Variants in DYNC1I2 observed in about 807,000 individuals in gnomAD.
DYNC1I2 encodes cytoplasmic dynein 1 intermediate chain 2.
Under a neutral mutation model 88.6 loss-of-function variants are expected in DYNC1I2, and 53 were observed. The observed-to-expected ratio is 0.60, with a 90% confidence interval of 0.48 to 0.75. The LOEUF (loss-of-function observed/expected upper bound fraction) is 0.75, where lower values mean the gene tolerates loss of function less well. Ranked by LOEUF, DYNC1I2 falls within the 30% of genes least tolerant of loss-of-function variation. DYNC1I2 has a pLI of 0.00. For synonymous variants in DYNC1I2, 198 were observed against 254.6 expected, an observed-to-expected ratio of 0.78 and a Z score of 2.12; for missense variants, 458 against 766.6, an observed-to-expected ratio of 0.60 and a Z score of 4.75.
chr2:171,693,520 A>G (rs1370012581), intron 3 of DYNC1I2, among the ~76,000 whole-genome samples: 3 of 152,238 alleles, frequency 2.0e-5, no homozygotes, highest in Non-Finnish European at 2.9e-5. Context: ...TACTTAAAAT[A>G]GTTCTGTGCT....
chr2:171,721,878 T>G (rs181975854), intron 7 of DYNC1I2, among the ~76,000 whole-genome samples: 1 of 152,304 alleles, frequency 6.6e-6, no homozygotes, highest in East Asian at 1.9e-4. Flanking sequence ...ATATTGAGAT[T>G]TAATCATTAA....
At chr2:171,723,794 T>G (rs183093658) in intron 7 of DYNC1I2, among the ~76,000 whole-genome samples, 1 of 152,312 alleles carries the variant, frequency 6.6e-6, no homozygotes, top group Non-Finnish European at 1.5e-5. Flanking sequence ...CACCACCGCC[T>G]CCTCAGCAGG....
intron 5 of DYNC1I2, among the ~76,000 whole-genome samples, chr2:171,707,607 A>T (rs985292883): frequency 3.3e-5 from 5 of 152,112 alleles, no homozygotes; most frequent in Admixed American, 3.3e-4. Context: ...CTAAATAGTC[A>T]ACCGGTTTTA....
At chr2:171,706,398 C>T (rs554690924) in intron 3 of DYNC1I2, 149 bp from the exon 4 acceptor site, 41 of 677,160 alleles carry the variant, frequency 6.1e-5, no homozygotes, top group Middle Eastern at 8.0e-4. Flanking sequence ...GAAATGTGCA[C>T]GTTCAGCTGT....
At chr2:171,733,919 T>G (rs1688823759) in intron 15 of DYNC1I2, among the ~76,000 whole-genome samples, 1 of 152,158 alleles carries the variant, frequency 6.6e-6, no homozygotes, top group South Asian at 2.1e-4. Context: ...CTAAGTTTTT[T>G]GTAGTTTGGG....
At chr2:171,721,448 A>G (rs1404849732) in intron 7 of DYNC1I2, among the ~76,000 whole-genome samples, 5 of 152,210 alleles carry the variant, frequency 3.3e-5, no homozygotes, top group Non-Finnish European at 5.9e-5. Context: ...AAGAAGATGA[A>G]GTGATGGACA....
intron 1 of DYNC1I2, among the ~76,000 whole-genome samples, chr2:171,689,383 T>G (rs567397352): frequency 6.6e-6 from 1 of 152,234 alleles, no homozygotes; most frequent in Non-Finnish European, 1.5e-5. Flanking sequence ...CTTTTAGAAC[T>G]TACAGGAAAG....
intron 15 of DYNC1I2, among the ~76,000 whole-genome samples, 154 bp downstream of exon 15, chr2:171,730,007 T>G (rs779900073): frequency 6.6e-6 from 1 of 152,200 alleles, no homozygotes; most frequent in Non-Finnish European, 1.5e-5. Context: ...AGTGAACTAC[T>G]AGATGTTGTA....
rs1186549448 is a variant in DYNC1I2 at position 171,747,692 on chromosome 2, AATT to A, written c.1804-80_1804-78del. Reference sequence around the variant, plus strand: ...GTCAATTATTACTTTTTAACAGAAAAATTATTTGAAAACAAACTGAATAATAGT... The same window carrying A: ...GTCAATTATTACTTTTTAACAGAAAAATTTGAAAACAAACTGAATAATAGT... On this transcript the variant is annotated intron_variant, in intron 17 of 17. Transcript: ENST00000397119. 8.5e-6 allele frequency: 8 copies of A among 944,130 alleles called. No individual in the cohort carries two copies. The East Asian group carries it at 2.2e-4, about 26-fold the overall frequency. 58.5% of individuals were successfully genotyped at this position (944,130 alleles called of 1,614,324 possible).
chr2:171,703,951 A>AT (rs1686473532), intron 3 of DYNC1I2, among the ~76,000 whole-genome samples: 1 of 152,076 alleles, frequency 6.6e-6, no homozygotes. Context: ...CATTCCCTAC[A>AT]TTCACCTTCC....
intron 7 of DYNC1I2, among the ~76,000 whole-genome samples, chr2:171,722,924 C>A (rs1687994262): frequency 6.6e-6 from 1 of 152,046 alleles, no homozygotes; most frequent in Non-Finnish European, 1.5e-5. Context: ...AAATAAAACC[C>A]TGAGAGCATG....
In DYNC1I2 at chr2:171,745,799, T is replaced by C. The variant is rs749143484; in HGVS notation, c.1678-3T>C. ...CACTGTCCTTTATTTTAAATGACTTTAGGTACCAACTGCCAGCATTTCTGT... is the reference window on the plus strand; with the variant it reads ...CACTGTCCTTTATTTTAAATGACTTCAGGTACCAACTGCCAGCATTTCTGT... On this transcript the variant is annotated splice_polypyrimidine_tract_variant and splice_region_variant and intron_variant, in intron 16 of 17. Transcript: ENST00000397119. 64 of 1,613,054 alleles carry C rather than the reference T, an allele frequency of 4.0e-5. 1 individual carries two copies. Among genetic ancestry groups the C allele is most frequent in the Middle Eastern group, 1.6e-4 (1 of 6,066 alleles).
chr2:171,713,598 TTATC>T (rs999955162), intron 6 of DYNC1I2, among the ~76,000 whole-genome samples: 2 of 152,276 alleles, frequency 1.3e-5, no homozygotes, highest in African/African-American at 4.8e-5. Flanking sequence ...AGAGATAAGA[TTATC>T]CATCCATTCA....
rs1474833540 is a variant in DYNC1I2 at position 171,748,883 on chromosome 2, A to G, written c.*994A>G. On this transcript the variant is annotated 3_prime_UTR_variant, in exon 18 of 18. Transcript: ENST00000397119. The stretch of plus-strand genomic sequence containing the variant: ...GCCACAGCATTGTCTACAAGTCCGA[A>G]AGGTAGGTGACAAATATCTAAGAAT... Among the ~76,000 whole-genome samples the G allele has an allele frequency of 6.6e-6, 1 of 152,192 alleles. No individual in the cohort carries two copies. Among genetic ancestry groups the G allele is most frequent in the African/African-American group, 2.4e-5 (1 of 41,466 alleles).
chr2:171,726,978 A>C, intron 11 of DYNC1I2, 62 bp downstream of exon 11: 19 of 1,452,010 alleles, frequency 1.3e-5, no homozygotes, highest in Non-Finnish European at 1.7e-5. Context: ...AATTAAGACA[A>C]GTGCCTTTTT....
chr2:171,715,282 G>T (rs1306249612), intron 6 of DYNC1I2, 46 bp from the exon 7 acceptor site: 19 of 1,183,364 alleles, frequency 1.6e-5, no homozygotes, highest in Non-Finnish European at 2.1e-5. Flanking sequence ...AAAATAACAT[G>T]GTTTGATGTA....
At chr2:171,709,578 T>G (rs921777023) in intron 5 of DYNC1I2, among the ~76,000 whole-genome samples, 3 of 152,230 alleles carry the variant, frequency 2.0e-5, no homozygotes, top group African/African-American at 7.2e-5. Flanking sequence ...ATAGTTTTTT[T>G]AATGATAAAT....
chr2:171,690,654 GT>G (rs1212125870), intron 2 of DYNC1I2, among the ~76,000 whole-genome samples: 218 of 136,024 alleles, frequency 1.6e-3, no homozygotes, highest in African/African-American at 2.3e-3. Flanking sequence ...TTTGTTTTGG[GT>G]TTTTTTTTTT....
rs771790709 is a variant in DYNC1I2, at chr2:171,726,833, G to T, written c.913G>T (p.Ala305Ser). Residue 305 changes from alanine (A) to serine (S), a missense_variant, in exon 11 of 18, where the codon GCC (alanine) becomes TCC (serine). Coordinates refer to ENST00000397119, the MANE Select transcript of DYNC1I2 (RefSeq NM_001378.3). Reference sequence around the variant, plus strand: ...GGCTTCCTATAACAACAATGAAGATGCCCCTCATGAGCCTGATGGTGTGGC... The same window carrying T: ...GGCTTCCTATAACAACAATGAAGATTCCCCTCATGAGCCTGATGGTGTGGC... ...LVASYNNNEDAPHEPDGVALV... is the reference protein window; with the variant it reads ...LVASYNNNEDSPHEPDGVALV... The T allele has an allele frequency of 6.2e-7, 1 of 1,613,126 alleles. No homozygotes were observed. Among genetic ancestry groups the T allele is most frequent in the Non-Finnish European group, 8.5e-7 (1 of 1,179,358 alleles).
Sources: allele counts gnomAD v4.1 joint callset (sites outside exome capture counted in the v4.1 genomes callset), GRCh38; gene constraint gnomAD v4.1.1; transcripts MANE v1.5; gene names NCBI Gene and HGNC (gene_info 2026-07-23, HGNC 2026-07-21).